The following HERC3 variants were observed in gnomAD, a reference collection of about 807,000 sequenced individuals.
The protein encoded by HERC3 is HECT and RLD domain containing E3 ubiquitin protein ligase 3.
In HERC3, 58 loss-of-function variants were observed where a neutral mutation model predicts 129.9. That is an observed-to-expected ratio of 0.45 (90% CI 0.36 to 0.56). The LOEUF is 0.56. Ranked by LOEUF, HERC3 falls within the 20% of genes least tolerant of loss-of-function variation. The pLI, the probability that HERC3 is intolerant of heterozygous loss-of-function variation, is 0.00. For synonymous variants in HERC3, 430 were observed against 451.0 expected, an observed-to-expected ratio of 0.95 and a Z score of 0.59; for missense variants, 835 against 1,244.2, an observed-to-expected ratio of 0.67 and a Z score of 4.95.
chr4:88,604,191 G>A (rs1025783584), intron 2 of HERC3, among the ~76,000 whole-genome samples: 1 of 152,120 alleles, frequency 6.6e-6, no homozygotes, highest in Non-Finnish European at 1.5e-5. Context: ...GGCTGATTTT[G>A]TATTTTTAGT....
At chr4:88,609,368 G>A (rs1724040735) in intron 3 of HERC3, among the ~76,000 whole-genome samples, 1 of 152,180 alleles carries the variant, frequency 6.6e-6, no homozygotes. Flanking sequence ...CATAGGTAGA[G>A]TAATCTGTGT....
At chr4:88,655,389 C>A in intron 8 of HERC3, 85 bp downstream of exon 8, 1 of 1,436,534 alleles carries the variant, frequency 7.0e-7, no homozygotes, top group Admixed American at 1.8e-5. Context: ...GTGATTATAC[C>A]TAGTCACCGT....
chr4:88,577,720 C>T, the HERC3 span, among the ~76,000 whole-genome samples: 2 of 149,322 alleles, frequency 1.3e-5, no homozygotes, highest in Non-Finnish European at 3.0e-5. Context: ...TTTCTGTCTC[C>T]ATAAACAGAT....
Position 88,686,779 on chromosome 4 carries a change from G to A in HERC3, c.2551G>A (p.Glu851Lys). The change falls in exon 22 of 26, where the codon GAG (glutamate) becomes AAG (lysine). Residue 851 changes from glutamate (E) to lysine (K), a missense_variant. Glu to Lys is a moderately conservative substitution (Grantham distance 56). Coordinates refer to ENST00000402738, the MANE Select transcript of HERC3 (RefSeq NM_014606.3). Reference sequence around the variant, plus strand: ...AGATTACCCCGGGGAGGATGTGGAGGAGACTTTCTGCCTCAACTTCACGGT... The same window carrying A: ...AGATTACCCCGGGGAGGATGTGGAGAAGACTTTCTGCCTCAACTTCACGGT... ...LLDYPGEDVE[E>K]TFCLNFTICR... is the part of the protein sequence containing the mutation. The A allele has an allele frequency of 6.2e-7, 1 of 1,611,676 alleles. No homozygotes were observed. Among genetic ancestry groups the A allele is most frequent in the Non-Finnish European group, 8.5e-7 (1 of 1,177,952 alleles).
intron 3 of HERC3, among the ~76,000 whole-genome samples, chr4:88,632,989 G>A (rs982181281): frequency 1.8e-4 from 28 of 152,278 alleles, no homozygotes; most frequent in African/African-American, 6.3e-4. Context: ...TGAAAGCCCA[G>A]AGAAAAACAA....
In HERC3 at chr4:88,704,511, G is replaced by A. The variant is rs763349579; in HGVS notation, c.2845G>A (p.Ala949Thr). 9 of 1,596,454 alleles carry A rather than the reference G, an allele frequency of 5.6e-6. No individual in the cohort carries two copies. The highest frequency in any genetic ancestry group is 8.6e-7 in the Non-Finnish European group (1 of 1,164,506). ...NYNWEELEETAIYKGDYSATH... is the reference protein window; with the variant it reads ...NYNWEELEETTIYKGDYSATH... ...TCTTTTTCTCTTTTTTGGACAGACT[G>A]CCATCTACAAGGGAGATTACTCGGC... The change falls in exon 25 of 26, where the codon GCC becomes ACC. Residue 949 changes from alanine (A) to threonine (T), a missense_variant. Coordinates refer to ENST00000402738, the MANE Select transcript of HERC3 (RefSeq NM_014606.3).
Position 88,676,196 on chromosome 4 carries a change from CTT to C in HERC3, c.1912-18_1912-17del. On this transcript the variant is annotated intron_variant, in intron 16 of 25. Transcript: ENST00000402738. ...CAGGGTTTACAATTTAAGTAAGAGA[CTT>C]TTTATTTTTCTTTACACAGAAGGCT... 1 of 1,519,414 alleles carries C rather than the reference CTT, an allele frequency of 6.6e-7. No individual in the cohort carries two copies. The highest frequency in any genetic ancestry group is 9.1e-7 in the Non-Finnish European group (1 of 1,103,672). The allele number at this position is 1,519,414 out of a possible 1,614,324, so 94.1% of individuals were successfully genotyped here.
the HERC3 span, among the ~76,000 whole-genome samples, chr4:88,554,336 C>G: frequency 7.1e-6 from 1 of 141,600 alleles, no homozygotes; most frequent in African/African-American, 2.7e-5. Flanking sequence ...CAGAGGGAGA[C>G]TCCATCTCCA....
At chr4:88,676,463 T>G (rs1732172585) in intron 18 of HERC3, 40 bp downstream of exon 18, 1 of 1,353,566 alleles carries the variant, frequency 7.4e-7, no homozygotes, top group Non-Finnish European at 1.1e-6. Context: ...TTTACTGTGT[T>G]TCTCCCATTC....
chr4:88,601,124 T>C (rs1174281220), intron 2 of HERC3, among the ~76,000 whole-genome samples: 1 of 152,198 alleles, frequency 6.6e-6, no homozygotes. Context: ...AATACTTTTT[T>C]AGTGTAGAGT....
the HERC3 span, among the ~76,000 whole-genome samples, chr4:88,581,807 G>GT: frequency 1.3e-5 from 2 of 152,110 alleles, no homozygotes; most frequent in South Asian, 4.2e-4. Flanking sequence ...ATTTATCTAT[G>GT]TTTTTTATAG....
At chr4:88,618,910 C>A (rs1725212474) in intron 3 of HERC3, among the ~76,000 whole-genome samples, 1 of 152,222 alleles carries the variant, frequency 6.6e-6, no homozygotes, top group Non-Finnish European at 1.5e-5. Context: ...TCAGCTTTGG[C>A]AGGCCACACC....
intron 3 of HERC3, among the ~76,000 whole-genome samples, chr4:88,641,777 TTATC>T (rs1411363816): frequency 6.6e-6 from 1 of 151,920 alleles, no homozygotes; most frequent in African/African-American, 2.4e-5. Context: ...TCTAAATAGG[TTATC>T]TATAACTATA....
the HERC3 span, among the ~76,000 whole-genome samples, chr4:88,579,537 G>A: frequency 1.3e-5 from 2 of 152,122 alleles, no homozygotes; most frequent in Non-Finnish European, 2.9e-5. Flanking sequence ...TTTGTTATTG[G>A]TATGTAGAAT....
the HERC3 span, among the ~76,000 whole-genome samples, chr4:88,548,732 C>T: frequency 5.3e-5 from 8 of 151,608 alleles, no homozygotes; most frequent in African/African-American, 1.9e-4. Flanking sequence ...ACCATCTCGG[C>T]TCATGGCAAC....
At position 88,707,916 on chromosome 4, in the gene HERC3, G is replaced by A. The variant is rs549871073; in HGVS notation, c.*956G>A. 1.3e-5 allele frequency: 2 copies of A among 152,004 alleles called. No homozygotes were observed. Among genetic ancestry groups the A allele is most frequent in the South Asian group, 2.1e-4 (1 of 4,768 alleles). The allele number at this position is 152,004 out of a possible 1,614,324, so 9.4% of individuals were successfully genotyped here. ...TTATTTTCTCCTTTTCGTACCCTGT[G>A]TCCTCCCTGATTTTCCTTTCGTTTC... is the stretch of plus-strand genomic sequence containing the variant. On this transcript the variant is annotated 3_prime_UTR_variant, in exon 26 of 26. Transcript: ENST00000402738.
At chr4:88,697,933 A>G (rs2149341431) in intron 23 of HERC3, 1 of 789,464 alleles carries the variant, frequency 1.3e-6, no homozygotes, top group Non-Finnish European at 2.0e-6. Context: ...CTATCAGCTG[A>G]CGGCCGTGTG....
intron 21 of HERC3, among the ~76,000 whole-genome samples, chr4:88,685,704 C>T (rs1733363354): frequency 6.6e-6 from 1 of 152,018 alleles, no homozygotes; most frequent in African/African-American, 2.4e-5. Flanking sequence ...CACCATAGCA[C>T]ATGTATACCT....
intron 3 of HERC3, among the ~76,000 whole-genome samples, chr4:88,626,123 G>C (rs1726069073): frequency 6.6e-6 from 1 of 152,116 alleles, no homozygotes; most frequent in Admixed American, 6.5e-5. Flanking sequence ...GGTAATGCTG[G>C]CCTCATGAAA....
Sources: allele counts gnomAD v4.1 joint callset (sites outside exome capture counted in the v4.1 genomes callset), GRCh38; gene constraint gnomAD v4.1.1; transcripts MANE v1.5; gene names NCBI Gene and HGNC (gene_info 2026-07-23, HGNC 2026-07-21).